Variants in METTL15 observed in about 807,000 individuals in gnomAD.
The protein encoded by METTL15 is 12S rRNA N(4)-cytidine methyltransferase METTL15.
A neutral mutation model predicts 38.3 loss-of-function variants in METTL15; 34 were observed. The ratio of observed to expected loss-of-function variants is 0.89; its 90% CI spans 0.68 to 1.18. The LOEUF is 1.18. Among genes scored for constraint, METTL15 ranks in the 50% most tolerant of loss-of-function variants. The probability of loss-of-function intolerance (pLI) is 0.00; values close to 1 mark genes in which losing one functional copy is unlikely to be tolerated. For missense variants in METTL15, 438 were observed against 498.4 expected (o/e 0.88, Z 1.15); for synonymous variants, 162 against 170.9 (o/e 0.95, Z 0.41).
chr11:28,237,888 G>A (rs903830434), intron 4 of METTL15, among the ~76,000 whole-genome samples: 2 of 152,134 alleles, frequency 1.3e-5, no homozygotes, highest in African/African-American at 2.4e-5. Flanking sequence ...TGTTTGCCTG[G>A]GTATCAGCAG....
intron 3 of METTL15, among the ~76,000 whole-genome samples, chr11:28,188,046 A>G (rs1182636799): frequency 6.6e-6 from 1 of 151,314 alleles, no homozygotes; most frequent in Non-Finnish European, 1.5e-5. Flanking sequence ...CCCCTGGCTC[A>G]TGGCCAGTAG....
chr11:28,397,708 A>T (rs1422053961), intron 5 of METTL15, among the ~76,000 whole-genome samples: 1 of 152,126 alleles, frequency 6.6e-6, no homozygotes, highest in Non-Finnish European at 1.5e-5. Flanking sequence ...AGAACTAGAA[A>T]TACCATTTGA....
chr11:28,502,454 G>A (rs1253911670), intron 6 of METTL15, among the ~76,000 whole-genome samples: 1 of 152,156 alleles, frequency 6.6e-6, no homozygotes, highest in Non-Finnish European at 1.5e-5. Flanking sequence ...CCCATGGTGG[G>A]CTTTTAGGTC....
chr11:28,330,029 T>C (rs1446366861), intron 6 of METTL15, among the ~76,000 whole-genome samples: 2 of 152,224 alleles, frequency 1.3e-5, no homozygotes, highest in Non-Finnish European at 2.9e-5. Flanking sequence ...ATGATATGCC[T>C]ATGTGCAGCC....
chr11:28,346,763 A>G (rs1411219207), intron 3 of METTL15, among the ~76,000 whole-genome samples: 1 of 152,222 alleles, frequency 6.6e-6, no homozygotes, highest in East Asian at 1.9e-4. Context: ...TAAGGCATGT[A>G]TAGTTACTAA....
At chr11:28,489,936 C>G (rs774661126) in intron 6 of METTL15, among the ~76,000 whole-genome samples, 3 of 151,970 alleles carry the variant, frequency 2.0e-5, no homozygotes, top group Admixed American at 1.3e-4. Flanking sequence ...TACTGGTCAC[C>G]CTGTGCAGCT....
intron 6 of METTL15, among the ~76,000 whole-genome samples, chr11:28,430,857 G>T (rs1310772721): frequency 1.7e-5 from 2 of 118,596 alleles, no homozygotes; most frequent in South Asian, 2.9e-4. Context: ...GAGGTGGGGG[G>T]GGTCAGCCCC....
At chr11:28,235,148 C>G (rs1853891452) in intron 4 of METTL15, among the ~76,000 whole-genome samples, 1 of 152,060 alleles carries the variant, frequency 6.6e-6, no homozygotes, top group Non-Finnish European at 1.5e-5. Flanking sequence ...GGGGTCTGTT[C>G]TGTTCCATTG....
intron 3 of METTL15, among the ~76,000 whole-genome samples, chr11:28,141,537 A>T (rs1211283492): frequency 2.6e-5 from 4 of 151,912 alleles, no homozygotes; most frequent in African/African-American, 9.7e-5. Context: ...TTAAAAAAAA[A>T]AATTATTCTG....
chr11:28,353,730 C>A (rs1258785335), intron 4 of METTL15, among the ~76,000 whole-genome samples: 1 of 151,136 alleles, frequency 6.6e-6, no homozygotes, highest in Admixed American at 6.6e-5. Flanking sequence ...TCGAGACCAT[C>A]CTGGCTAACA....
Position 28,207,592 on chromosome 11 carries a change from C to T in METTL15, c.271-3470C>T, listed in dbSNP as rs12778900. Among the ~76,000 whole-genome samples the T allele has an allele frequency of 1.5e-4, 23 of 151,978 alleles. 1 individual carries two copies. Among genetic ancestry groups the T allele is most frequent in the South Asian group, 4.2e-4 (2 of 4,818 alleles). On this transcript the variant is annotated intron_variant, in intron 3 of 6. Coordinates refer to ENST00000407364, the MANE Select transcript of METTL15 (RefSeq NM_001113528.2). ...TCTCTTTTTTTGTTGTGTCTCTGCC[C>T]GGCTTTGGTGTCAGGATGATGCTGG... is the stretch of plus-strand genomic sequence containing the variant.
At chr11:28,274,838 T>G (rs1453059770) in intron 4 of METTL15, among the ~76,000 whole-genome samples, 1 of 151,036 alleles carries the variant, frequency 6.6e-6, no homozygotes, top group East Asian at 2.0e-4. Flanking sequence ...CTAATGTAAA[T>G]GACGAGTTAA....
At chr11:28,379,680 T>G (rs1349093137) in intron 5 of METTL15, among the ~76,000 whole-genome samples, 1 of 152,234 alleles carries the variant, frequency 6.6e-6, no homozygotes, top group Non-Finnish European at 1.5e-5. Context: ...AATGTGATTC[T>G]ATTGCAGTTG....
rs772919212 is a variant in METTL15 at position 28,330,558 on chromosome 11, G to T, written c.941G>T (p.Gly314Val). ...GCTCAGAAGTTTCTGAGACCTGGTGGTCGTCTTGTTGCCCTCTCCTTCCAT... is the reference window on the plus strand; with the variant it reads ...GCTCAGAAGTTTCTGAGACCTGGTGTTCGTCTTGTTGCCCTCTCCTTCCAT... ...KTAQKFLRPG[G>V]RLVALSFHSL... Residue 314 changes from glycine (G) to valine (V), a missense_variant, in exon 7 of 7, where the codon GGT becomes GTT. Coordinates refer to ENST00000407364, the MANE Select transcript of METTL15 (RefSeq NM_001113528.2). 8 of 1,551,544 alleles carry T rather than the reference G, an allele frequency of 5.2e-6. No individual in the cohort carries two copies. In the African/African-American group the frequency reaches 8.2e-5, roughly 16 times the overall value.
intron 5 of METTL15, among the ~76,000 whole-genome samples, chr11:28,378,110 T>C (rs1164362922): frequency 6.6e-6 from 1 of 152,216 alleles, no homozygotes; most frequent in South Asian, 2.1e-4. Context: ...TGTCTTTTTG[T>C]TTGTCTGTGC....
chr11:28,258,224 A>G (rs1855051039), intron 4 of METTL15, among the ~76,000 whole-genome samples: 1 of 152,102 alleles, frequency 6.6e-6, no homozygotes, highest in African/African-American at 2.4e-5. Context: ...ACTTTCTTCT[A>G]AACAATGGGG....
intron 6 of METTL15, among the ~76,000 whole-genome samples, chr11:28,320,309 A>G (rs2134044913): frequency 6.6e-6 from 1 of 151,748 alleles, no homozygotes; most frequent in South Asian, 2.1e-4. Flanking sequence ...TAATCACAGC[A>G]CTTTGGGCAG....
At chr11:28,372,917 A>G (rs1351316510) in intron 5 of METTL15, among the ~76,000 whole-genome samples, 4 of 149,066 alleles carry the variant, frequency 2.7e-5, no homozygotes, top group Non-Finnish European at 6.0e-5. Context: ...ATGATTTCCA[A>G]TTTCATCCAT....
chr11:28,176,892 C>T (rs1851096399), intron 3 of METTL15, among the ~76,000 whole-genome samples: 1 of 152,056 alleles, frequency 6.6e-6, no homozygotes, highest in Non-Finnish European at 1.5e-5. Flanking sequence ...TAAATACTAC[C>T]TGTTATTCTT....
Sources: allele counts gnomAD v4.1 joint callset (sites outside exome capture counted in the v4.1 genomes callset), GRCh38; gene constraint gnomAD v4.1.1; transcripts MANE v1.5; gene names NCBI Gene and HGNC (gene_info 2026-07-23, HGNC 2026-07-21).